Variants in SUPT4H1 observed in about 807,000 individuals in gnomAD.
SUPT4H1 encodes the protein transcription elongation factor SPT4.
SUPT4H1 carries 12 observed loss-of-function variants against 19.4 expected under a neutral mutation model. That is an observed-to-expected ratio of 0.62 (90% CI 0.40 to 1.00). The LOEUF (loss-of-function observed/expected upper bound fraction) is 1.00, where lower values mean the gene tolerates loss of function less well. SUPT4H1 is among the 50% of genes least tolerant of loss of function. SUPT4H1 has a pLI of 0.00. For synonymous variants in SUPT4H1, 58 were observed against 56.3 expected, an observed-to-expected ratio of 1.03 and a Z score of -0.14; for missense variants, 115 against 149.2, an observed-to-expected ratio of 0.77 and a Z score of 1.19.
intron 2 of SUPT4H1, 59 bp from the exon 3 acceptor site, chr17:58,347,643 C>G: frequency 6.4e-7 from 1 of 1,553,972 alleles, no homozygotes; most frequent in African/African-American, 1.4e-5. Flanking sequence ...GAGCTCAATT[C>G]TGAGAGAGGA....
rs1972336649 is a variant in SUPT4H1, at chr17:58,347,514, C to G, written c.232+15G>C. ...ACACTACAACTAAGCCAAAAGGAGACAGGCCAACACTTACTGACTCGCTGC... is the reference window on the plus strand; with the variant it reads ...ACACTACAACTAAGCCAAAAGGAGAGAGGCCAACACTTACTGACTCGCTGC... On this transcript the variant is annotated intron_variant, in intron 3 of 4. Coordinates refer to ENST00000225504, the MANE Select transcript of SUPT4H1 (RefSeq NM_003168.3). 13 of 1,614,138 alleles carry G rather than the reference C, an allele frequency of 8.1e-6. No homozygotes were observed. The highest frequency in any genetic ancestry group is 2.2e-5 in the East Asian group (1 of 44,886).
At chr17:58,351,904 G>A in intron 1 of SUPT4H1, 163 bp downstream of exon 1, 1 of 703,664 alleles carries the variant, frequency 1.4e-6, no homozygotes, top group Non-Finnish European at 2.4e-6. Flanking sequence ...ACCTGTCCGC[G>A]ATCCTACGAG....
chr17:58,351,776 A>G, intron 1 of SUPT4H1: 1 of 572,392 alleles, frequency 1.7e-6, no homozygotes, highest in East Asian at 2.9e-5. Context: ...CTCACTCAGC[A>G]GCGGATCCCC....
intron 2 of SUPT4H1, among the ~76,000 whole-genome samples, chr17:58,348,238 A>C (rs1972363871): frequency 1.3e-5 from 2 of 152,352 alleles, no homozygotes; most frequent in Non-Finnish European, 2.9e-5. Flanking sequence ...GGGCTAGAAG[A>C]TGCTGCTTGA....
In SUPT4H1 at chr17:58,345,591, G is replaced by A. The variant is rs1467203887; in HGVS notation, c.*655C>T. The A allele has an allele frequency of 6.6e-6, 1 of 152,178 alleles. No individual in the cohort carries two copies. The highest frequency in any genetic ancestry group is 2.4e-5 in the African/African-American group (1 of 41,328). 9.4% of individuals were successfully genotyped at this position (152,178 alleles called of 1,614,324 possible). A position where few individuals can be genotyped will look rare whatever the true frequency, so the allele number is the denominator to read the frequency against. ...GAAGAGAAGAAAATAGACAAGCAGG[G>A]GAGGGAAGAATTATTAAACATGGTC... On this transcript the variant is annotated 3_prime_UTR_variant, in exon 5 of 5. Coordinates refer to ENST00000225504, the MANE Select transcript of SUPT4H1 (RefSeq NM_003168.3).
At chr17:58,348,178 T>C (rs1972361472) in intron 2 of SUPT4H1, among the ~76,000 whole-genome samples, 5 of 152,210 alleles carry the variant, frequency 3.3e-5, no homozygotes, top group Admixed American at 2.6e-4. Context: ...ATTATCCTAA[T>C]AGTCCTTCCC....
At chr17:58,350,293 CACG>C (rs1429286823) in intron 2 of SUPT4H1, among the ~76,000 whole-genome samples, 2 of 151,742 alleles carry the variant, frequency 1.3e-5, no homozygotes, top group Non-Finnish European at 2.9e-5. Context: ...GCGGGTGGAT[CACG>C]AGGTCAGCAG....
chr17:58,345,566 G>C lies in SUPT4H1; in HGVS notation c.*680C>G, dbSNP rs915472389. 14 of 152,228 alleles carry C rather than the reference G, an allele frequency of 9.2e-5. No homozygotes were observed. The highest frequency in any genetic ancestry group is 3.1e-4 in the African/African-American group (13 of 41,366). 9.4% of individuals were successfully genotyped at this position (152,228 alleles called of 1,614,324 possible). On this transcript the variant is annotated 3_prime_UTR_variant, in exon 5 of 5. Coordinates refer to ENST00000225504, the MANE Select transcript of SUPT4H1 (RefSeq NM_003168.3). ...TGGCCTAAGGTATAGGAAGAGCCGT[G>C]AAGAGAAGAAAATAGACAAGCAGGG...
At chr17:58,349,804 T>C (rs1972422164) in intron 2 of SUPT4H1, among the ~76,000 whole-genome samples, 1 of 152,184 alleles carries the variant, frequency 6.6e-6, no homozygotes, top group Non-Finnish European at 1.5e-5. Context: ...AATGAGCCCA[T>C]AGGTACCTAA....
intron 2 of SUPT4H1, among the ~76,000 whole-genome samples, chr17:58,349,871 G>A (rs987467242): frequency 2.6e-5 from 4 of 152,238 alleles, no homozygotes; most frequent in Non-Finnish European, 4.4e-5. Context: ...TCAGGGACAG[G>A]AGGGAGGAGA....
rs1361049008 is a variant in SUPT4H1 at position 58,351,509 on chromosome 17, CT to C, written c.70-2del. 3.1e-5 allele frequency: 49 copies of C among 1,600,734 alleles called. No homozygotes were observed. Among genetic ancestry groups the C allele is most frequent in the Non-Finnish European group, 3.8e-5 (45 of 1,170,146 alleles). On this transcript the variant is annotated splice_acceptor_variant, in intron 1 of 4. Coordinates refer to ENST00000225504, the MANE Select transcript of SUPT4H1 (RefSeq NM_003168.3). LOFTEE classifies it high-confidence loss of function. ...CATCATATTCAAACTGGTCTATAGT[CT>C]GGGAGTGAAAGAAAAATAAAGGAAA... is the stretch of plus-strand genomic sequence containing the variant.
intron 1 of SUPT4H1, 36 bp downstream of exon 1, chr17:58,352,031 C>T (rs368112198): frequency 1.9e-6 from 3 of 1,611,612 alleles, no homozygotes; most frequent in African/African-American, 2.7e-5. Context: ...GACCTTGGTC[C>T]CCCATGGGCC....
rs1406734821 is a variant in SUPT4H1 at position 58,345,279 on chromosome 17, TTC to T, written c.*965_*966del. On this transcript the variant is annotated 3_prime_UTR_variant, in exon 5 of 5. Coordinates refer to ENST00000225504, the MANE Select transcript of SUPT4H1 (RefSeq NM_003168.3). ...GAGGTAAACAGGCAGGGTGCAATCA[TTC>T]TCTTTTTAGAGGGAGAACAAGGAAC... The T allele has an allele frequency of 6.6e-6, 1 of 152,190 alleles. No homozygotes were observed. The highest frequency in any genetic ancestry group is 2.4e-5 in the African/African-American group (1 of 41,438). The allele number at this position is 152,190 out of a possible 1,614,324, so 9.4% of individuals were successfully genotyped here.
At chr17:58,348,815 C>T (rs1313994116) in intron 2 of SUPT4H1, among the ~76,000 whole-genome samples, 1 of 152,190 alleles carries the variant, frequency 6.6e-6, no homozygotes, top group African/African-American at 2.4e-5. Flanking sequence ...TAGCCCTCTT[C>T]CGATCTTTAA....
intron 3 of SUPT4H1, 74 bp downstream of exon 3, chr17:58,347,455 T>A: frequency 1.3e-6 from 2 of 1,569,162 alleles, no homozygotes; most frequent in Non-Finnish European, 1.8e-6. Flanking sequence ...CTTGCTGATT[T>A]GAGACTCCCT....
chr17:58,350,512 A>G (rs1307115516), intron 2 of SUPT4H1, among the ~76,000 whole-genome samples: 2 of 150,286 alleles, frequency 1.3e-5, no homozygotes, highest in African/African-American at 2.4e-5. Context: ...CTCCATCTCA[A>G]ATAAATAAAT....
intron 2 of SUPT4H1, among the ~76,000 whole-genome samples, chr17:58,349,313 C>A (rs1972402393): frequency 1.3e-5 from 2 of 152,232 alleles, no homozygotes; most frequent in Non-Finnish European, 2.9e-5. Flanking sequence ...AAATTTTGTT[C>A]TTTTCCAGGC....
rs565767343 is a variant in SUPT4H1, at chr17:58,351,251, CAAAAAAAAAA to C, written c.176+141_176+150del. The C allele has an allele frequency of 1.4e-5, 5 of 365,552 alleles. No individual in the cohort carries two copies. The South Asian group carries it at 1.5e-4, about 11-fold the overall frequency. 22.6% of individuals were successfully genotyped at this position (365,552 alleles called of 1,614,324 possible). The stretch of plus-strand genomic sequence containing the variant: ...TGAGCCACAGAGCAAAACCCTGATT[CAAAAAAAAAA>C]AAAAAAAAAAAAACCCACACAAAAT... On this transcript the variant is annotated intron_variant, in intron 2 of 4. Coordinates refer to ENST00000225504, the MANE Select transcript of SUPT4H1 (RefSeq NM_003168.3).
Position 58,346,229 on chromosome 17 carries a change from G to C in SUPT4H1, c.*17C>G. ...GCAGGAGGTGGAGAGCAAAGATGCT[G>C]GCAGCCTTGCATCTTGCTAGGTCTT... On this transcript the variant is annotated 3_prime_UTR_variant, in exon 5 of 5. Coordinates refer to ENST00000225504, the MANE Select transcript of SUPT4H1 (RefSeq NM_003168.3). The C allele has an allele frequency of 1.2e-6, 2 of 1,608,840 alleles. No homozygotes were observed. The highest frequency in any genetic ancestry group is 8.5e-7 in the Non-Finnish European group (1 of 1,175,196).
Sources: gnomAD v4.1 joint callset for allele counts (sites outside exome capture counted in the v4.1 genomes callset) on GRCh38, gnomAD v4.1.1 for gene constraint, MANE v1.5 for transcripts, NCBI Gene and HGNC (gene_info 2026-07-23, HGNC 2026-07-21) for gene names.